The following SLC44A5 variants were observed in gnomAD, a reference collection of about 807,000 sequenced individuals.
SLC44A5 encodes the protein solute carrier family 44 member 5, also known as choline transporter-like protein 5.
In SLC44A5, 57 loss-of-function variants were observed where a neutral mutation model predicts 101.8. That is an observed-to-expected ratio of 0.56 (90% confidence interval 0.45 to 0.70). The LOEUF (loss-of-function observed/expected upper bound fraction) is 0.70. Ranked by LOEUF, SLC44A5 falls within the 30% of genes least tolerant of loss-of-function variation. The pLI is 0.00. For synonymous variants in SLC44A5, 281 were observed against 290.9 expected (o/e 0.97, Z 0.35); for missense variants, 737 against 853.1 (o/e 0.86, Z 1.70).
At chr1:75,684,063 C>T in the SLC44A5 span, among the ~76,000 whole-genome samples, 12,088 of 151,928 alleles carry the variant, frequency 0.08, 1,615 homozygotes, top group African/African-American at 0.28. Context: ...TATGGTGGAA[C>T]GAAAAGGAAA....
intron 4 of SLC44A5, chr1:75,311,486 C>A: frequency 1.1e-6 from 1 of 873,622 alleles, no homozygotes; most frequent in African/African-American, 1.8e-5. Context: ...CCAGAGTGGT[C>A]TCAGTTCTCT....
At chr1:75,614,809 T>A (rs903955089), upstream of SLC44A5, among the ~76,000 whole-genome samples, 2 of 152,084 alleles carry the variant, frequency 1.3e-5, no homozygotes, top group Non-Finnish European at 2.9e-5. Context: ...TCAGGTCCAG[T>A]TCCCCCGCGC....
At chr1:75,556,112 G>A (rs1672200151) in intron 1 of SLC44A5, among the ~76,000 whole-genome samples, 1 of 152,086 alleles carries the variant, frequency 6.6e-6, no homozygotes, top group Admixed American at 6.6e-5. Flanking sequence ...GGAGAATGAA[G>A]AAGTCATCAG....
chr1:75,547,432 C>T (rs1435723167), intron 1 of SLC44A5, among the ~76,000 whole-genome samples: 2 of 152,168 alleles, frequency 1.3e-5, no homozygotes, highest in African/African-American at 2.4e-5. Flanking sequence ...TGAAGCATTT[C>T]TTCAAAGAAT....
the SLC44A5 span, among the ~76,000 whole-genome samples, chr1:75,698,059 G>T: frequency 6.6e-6 from 1 of 152,210 alleles, no homozygotes; most frequent in Non-Finnish European, 1.5e-5. Context: ...ACTGCAAGGT[G>T]GCAGTGAGGC....
At chr1:75,563,238 TA>T (rs1672616957) in intron 1 of SLC44A5, among the ~76,000 whole-genome samples, 1 of 152,108 alleles carries the variant, frequency 6.6e-6, no homozygotes, top group African/African-American at 2.4e-5. Flanking sequence ...AATGTAAAAC[TA>T]AATTAAGCAG....
At chr1:75,388,547 G>A (rs535372327) in intron 3 of SLC44A5, among the ~76,000 whole-genome samples, 10 of 152,062 alleles carry the variant, frequency 6.6e-5, no homozygotes, top group Non-Finnish European at 1.0e-4. Context: ...TTGGGAGGCC[G>A]AGGCGGGTGG....
intron 2 of SLC44A5, among the ~76,000 whole-genome samples, chr1:75,505,512 C>T (rs1205869195): frequency 6.6e-6 from 1 of 152,164 alleles, no homozygotes; most frequent in Non-Finnish European, 1.5e-5. Context: ...GCCTCACCAT[C>T]ATCTGTTATT....
chr1:75,624,706 A>G, the SLC44A5 span, among the ~76,000 whole-genome samples: 1 of 152,090 alleles, frequency 6.6e-6, no homozygotes, highest in African/African-American at 2.4e-5. Flanking sequence ...CTTCCACTAG[A>G]AGAGGATGAT....
chr1:75,454,427 C>T (rs182440253), intron 2 of SLC44A5, among the ~76,000 whole-genome samples: 1 of 152,000 alleles, frequency 6.6e-6, no homozygotes, highest in Non-Finnish European at 1.5e-5. Context: ...TCTATGAAAA[C>T]CCACAGCCAA....
intron 1 of SLC44A5, among the ~76,000 whole-genome samples, chr1:75,548,297 C>T (rs1370053030): frequency 6.6e-6 from 1 of 152,024 alleles, no homozygotes; most frequent in Non-Finnish European, 1.5e-5. Context: ...AAATAAAATC[C>T]TCAGAAAATG....
intron 1 of SLC44A5, among the ~76,000 whole-genome samples, chr1:75,551,316 G>T (rs1671924262): frequency 6.6e-6 from 1 of 152,058 alleles, no homozygotes; most frequent in Non-Finnish European, 1.5e-5. Context: ...ATATTCCTTA[G>T]CCAGGCAAGT....
chr1:75,612,025 T>C (rs186268929), upstream of SLC44A5, among the ~76,000 whole-genome samples: 8 of 152,312 alleles, frequency 5.3e-5, no homozygotes, highest in African/African-American at 1.4e-4. Flanking sequence ...CATCTTGTAC[T>C]AAATGTTAAA....
chr1:75,394,170 T>A (rs1249816), intron 3 of SLC44A5, among the ~76,000 whole-genome samples: 95,102 of 151,876 alleles, frequency 0.63, 31,268 homozygotes, highest in East Asian at 0.96. Context: ...GTGTGGTATC[T>A]TGGAAGCAGA....
intron 2 of SLC44A5, among the ~76,000 whole-genome samples, chr1:75,531,972 T>C (rs1670746119): frequency 6.6e-6 from 1 of 152,200 alleles, no homozygotes; most frequent in Non-Finnish European, 1.5e-5. Context: ...ACTAGACCAA[T>C]AATTCCCAAA....
chr1:75,321,981 A>T (rs1656185536), intron 4 of SLC44A5, among the ~76,000 whole-genome samples: 1 of 152,126 alleles, frequency 6.6e-6, no homozygotes, highest in Admixed American at 6.6e-5. Context: ...TCCACAATGT[A>T]ACTACTTCTT....
chr1:75,233,473 G>A (rs140913048), intron 12 of SLC44A5, among the ~76,000 whole-genome samples: 1 of 152,046 alleles, frequency 6.6e-6, no homozygotes, highest in African/African-American at 2.4e-5. Flanking sequence ...AGACAGTACT[G>A]TAATTCTCCA....
intron 1 of SLC44A5, among the ~76,000 whole-genome samples, chr1:75,598,094 G>GA (rs535936307): frequency 0.017 from 2,479 of 149,570 alleles, 71 homozygotes; most frequent in African/African-American, 0.058. Context: ...AAATGTACAA[G>GA]AAAAAAAAAC....
chr1:75,659,474 AAGGAAGGAAGGAAGGAAGGCAGGC>A, the SLC44A5 span, among the ~76,000 whole-genome samples: 1 of 68,122 alleles, frequency 1.5e-5, no homozygotes, highest in African/African-American at 6.6e-5. Flanking sequence ...GGAAGGAAGG[AAGGAAGGAAGGAAGGAAGGCAGGC>A]AGGCAGGCAG....
Sources: allele counts gnomAD v4.1 joint callset (sites outside exome capture counted in the v4.1 genomes callset), GRCh38; gene constraint gnomAD v4.1.1; transcripts MANE v1.5; gene names NCBI Gene and HGNC (gene_info 2026-07-23, HGNC 2026-07-21).